The following ANGPTL5 variants were observed in gnomAD, a reference collection of about 807,000 sequenced individuals.
ANGPTL5 encodes the protein angiopoietin-related protein 5.
In ANGPTL5, 34 loss-of-function variants were observed where a neutral mutation model predicts 39.4. That is an observed-to-expected ratio of 0.86 (90% confidence interval 0.66 to 1.15). The LOEUF (loss-of-function observed/expected upper bound fraction) is 1.15, where lower values mean the gene tolerates loss of function less well. ANGPTL5 is among the 50% of genes most tolerant of loss of function. The pLI is 0.00. For missense variants in ANGPTL5, 467 were observed against 457.5 expected (o/e 1.02, Z -0.19); for synonymous variants, 146 against 152.1 (o/e 0.96, Z 0.29).
chr11:101,894,528 T>C (rs1247328569), intron 8 of ANGPTL5, among the ~76,000 whole-genome samples: 1 of 152,220 alleles, frequency 6.6e-6, no homozygotes, highest in East Asian at 1.9e-4. Context: ...TAAAGTGAGA[T>C]GACTAGAGAT....
In ANGPTL5 at chr11:101,900,501, T is replaced by C. The variant is rs1036583761; in HGVS notation, c.590A>G (p.Lys197Arg). 6.2e-7 allele frequency: 1 copy of C among 1,613,198 alleles called. No homozygotes were observed. Among genetic ancestry groups the C allele is most frequent in the Admixed American group, 1.7e-5 (1 of 60,020 alleles). ...GAAATCAATTATCCCATCAATTCTT[T>C]TCTGTATCACAGTCCGTCCACCTCC... is the stretch of plus-strand genomic sequence containing the variant. ...YRGGGRTVIQ[K>R]RIDGIIDFQR... Residue 197 changes from lysine (K) to arginine (R), a missense_variant, in exon 7 of 9, where the codon AAA becomes AGA. By Grantham distance (26) the Lys-to-Arg change is conservative. Transcript: ENST00000334289.
chr11:101,915,422 C>G, intron 1 of ANGPTL5: 1 of 1,600,974 alleles, frequency 6.2e-7, no homozygotes, highest in Non-Finnish European at 8.5e-7. Context: ...TGTATCCTTC[C>G]CAGCCTGTGG....
At chr11:101,903,666 C>T (rs1939947745) in intron 5 of ANGPTL5, among the ~76,000 whole-genome samples, 1 of 152,080 alleles carries the variant, frequency 6.6e-6, no homozygotes, top group African/African-American at 2.4e-5. Flanking sequence ...TGCCTGTATC[C>T]TTAATTGTTA....
At chr11:101,900,167 A>C (rs1040681515) in intron 7 of ANGPTL5, among the ~76,000 whole-genome samples, 1 of 152,222 alleles carries the variant, frequency 6.6e-6, no homozygotes, top group Non-Finnish European at 1.5e-5. Context: ...TGCTGGGTGC[A>C]TAATAGATAC....
At chr11:101,897,385 T>G (rs1203820564) in intron 7 of ANGPTL5, among the ~76,000 whole-genome samples, 1 of 152,230 alleles carries the variant, frequency 6.6e-6, no homozygotes, top group Non-Finnish European at 1.5e-5. Flanking sequence ...CAATTTTGGC[T>G]TTTGTTCAAA....
At chr11:101,905,561 C>G (rs1268371040) in intron 4 of ANGPTL5, among the ~76,000 whole-genome samples, 183 bp downstream of exon 4, 2 of 152,176 alleles carry the variant, frequency 1.3e-5, no homozygotes, top group Non-Finnish European at 2.9e-5. Flanking sequence ...GACCATACCC[C>G]TTGAATTAAG....
At chr11:101,914,555 A>G (rs561724719) in intron 1 of ANGPTL5, among the ~76,000 whole-genome samples, 82 of 152,352 alleles carry the variant, frequency 5.4e-4, no homozygotes, top group African/African-American at 1.9e-3. Context: ...AGCATTACCG[A>G]GTGGATGAGA....
chr11:101,902,712 C>T lies in ANGPTL5; in HGVS notation c.449G>A (p.Cys150Tyr). ...GCCAATGGTATCCTTAATATCAGTG[C>T]AATCTAAACCTAGAAAAGCAAAATT... ...HRPVQSHGLDCTDIKDTIGSV... is the reference protein window; with the variant it reads ...HRPVQSHGLDYTDIKDTIGSV... The change falls in exon 6 of 9, where the codon TGC becomes TAC. Residue 150 changes from cysteine (C) to tyrosine (Y), a missense_variant. Physicochemically the swap from Cys to Tyr is radical, Grantham distance 194 (BLOSUM62 -2). Coordinates refer to ENST00000334289, the MANE Select transcript of ANGPTL5 (RefSeq NM_178127.5). The T allele has an allele frequency of 1.9e-6, 3 of 1,607,394 alleles. No homozygotes were observed. The highest frequency in any genetic ancestry group is 2.6e-6 in the Non-Finnish European group (3 of 1,175,210).
chr11:101,913,806 G>A (rs1940135080), intron 1 of ANGPTL5, among the ~76,000 whole-genome samples: 2 of 152,134 alleles, frequency 1.3e-5, no homozygotes, highest in African/African-American at 4.8e-5. Context: ...TCACCCATGG[G>A]GAGACAAACG....
chr11:101,906,731 T>TA (rs552635385), intron 3 of ANGPTL5, among the ~76,000 whole-genome samples: 8 of 152,230 alleles, frequency 5.3e-5, no homozygotes, highest in East Asian at 1.9e-4. Flanking sequence ...AGAATCACAT[T>TA]AAAAAATCTT....
intron 6 of ANGPTL5, among the ~76,000 whole-genome samples, chr11:101,901,067 C>T (rs1221616911): frequency 7.6e-6 from 1 of 131,392 alleles, no homozygotes; most frequent in African/African-American, 2.9e-5. Flanking sequence ...TTAGTAGAGA[C>T]GGGGTTTCGC....
chr11:101,897,833 T>C (rs1255409762), intron 7 of ANGPTL5, among the ~76,000 whole-genome samples: 4 of 152,206 alleles, frequency 2.6e-5, no homozygotes, highest in Non-Finnish European at 5.9e-5. Context: ...GTCTTGACTA[T>C]ACAGGCTCTT....
chr11:101,908,780 CAAAAA>C (rs59041644), intron 1 of ANGPTL5, among the ~76,000 whole-genome samples: 2 of 64,954 alleles, frequency 3.1e-5, no homozygotes, highest in African/African-American at 9.9e-5. Flanking sequence ...GACTCCATCT[CAAAAA>C]AAAAAAAAAA....
At position 101,893,905 on chromosome 11, in the gene ANGPTL5, G is replaced by A. The variant is rs541819391; in HGVS notation, c.847+974C>T. ...GTTTGTCAGCCTTCATTTGCTAAAA[G>A]CCTAACCATTCTTCCAAGACTAGAT... is the stretch of plus-strand genomic sequence containing the variant. On this transcript the variant is annotated intron_variant, in intron 8 of 8. Transcript: ENST00000334289. Among the ~76,000 whole-genome samples the A allele has an allele frequency of 8.3e-4, 127 of 152,178 alleles. 1 individual carries two copies. Among genetic ancestry groups the A allele is most frequent in the African/African-American group, 2.9e-3 (122 of 41,524 alleles).
At chr11:101,899,634 G>C (rs1939859874) in intron 7 of ANGPTL5, among the ~76,000 whole-genome samples, 1 of 152,216 alleles carries the variant, frequency 6.6e-6, no homozygotes, top group Non-Finnish European at 1.5e-5. Flanking sequence ...CTATACTCCA[G>C]AGCATGGCAG....
Position 101,891,264 on chromosome 11 carries a change from C to T in ANGPTL5, c.*15G>A. ...TATTATCATTGTAGAACTTGCATTA[C>T]AATGTTAAATGAGATTATTTAAAAT... On this transcript the variant is annotated 3_prime_UTR_variant, in exon 9 of 9. Transcript: ENST00000334289. 1.3e-6 allele frequency: 2 copies of T among 1,582,612 alleles called. No individual in the cohort carries two copies. The highest frequency in any genetic ancestry group is 2.7e-5 in the African/African-American group (2 of 74,264).
At chr11:101,915,179 C>T in intron 1 of ANGPTL5, 1 of 1,516,362 alleles carries the variant, frequency 6.6e-7, no homozygotes, top group Non-Finnish European at 8.9e-7. Context: ...TGACGCGGGG[C>T]CTGAGAGACG....
At chr11:101,902,759 A>G (rs550285354) in intron 5 of ANGPTL5, 38 bp from the exon 6 acceptor site, 2 of 1,342,464 alleles carry the variant, frequency 1.5e-6, no homozygotes, top group East Asian at 4.6e-5. Context: ...ATATTTTCAA[A>G]TGTACATTTA....
At chr11:101,899,911 T>C (rs944325307) in intron 7 of ANGPTL5, among the ~76,000 whole-genome samples, 9 of 152,248 alleles carry the variant, frequency 5.9e-5, no homozygotes, top group Non-Finnish European at 2.9e-5. Flanking sequence ...CATGTGGCAA[T>C]AATGTAAACA....
Sources: allele counts gnomAD v4.1 joint callset (sites outside exome capture counted in the v4.1 genomes callset), GRCh38; gene constraint gnomAD v4.1.1; transcripts MANE v1.5; gene names NCBI Gene and HGNC (gene_info 2026-07-23, HGNC 2026-07-21).